VPS13A: variants seen among roughly 807,000 people sequenced by gnomAD.
VPS13A encodes vacuolar protein sorting 13 homolog A.
Under a neutral mutation model 390.9 loss-of-function variants are expected in VPS13A, and 264 were observed. That is an observed-to-expected ratio of 0.68 (90% CI 0.61 to 0.75). The LOEUF is 0.75. Among genes scored for constraint, VPS13A ranks in the 30% least tolerant of loss-of-function variants. The pLI is 0.00. For missense variants in VPS13A, 3,409 were observed against 3,733.9 expected (o/e 0.91, Z 2.27); for synonymous variants, 1,231 against 1,227.1 (o/e 1.00, Z -0.07).
chr9:77,364,385 A>C (rs1247549975), intron 59 of VPS13A, among the ~76,000 whole-genome samples: 1 of 152,110 alleles, frequency 6.6e-6, no homozygotes, highest in Non-Finnish European at 1.5e-5. Context: ...AGATCGCGCC[A>C]CTGCACTCCA....
intron 27 of VPS13A, among the ~76,000 whole-genome samples, chr9:77,280,779 A>T (rs1454227381): frequency 2.0e-5 from 3 of 152,202 alleles, no homozygotes; most frequent in African/African-American, 7.2e-5. Flanking sequence ...AATAATGCAG[A>T]AAGCATTTAA....
intron 19 of VPS13A, among the ~76,000 whole-genome samples, chr9:77,244,496 T>G (rs1824694454): frequency 6.6e-6 from 1 of 152,186 alleles, no homozygotes; most frequent in South Asian, 2.1e-4. Context: ...GCCCTCGTTC[T>G]GCTGTGAAAC....
At chr9:77,382,119 T>C in intron 68 of VPS13A, 32 bp downstream of exon 68, 1 of 1,549,888 alleles carries the variant, frequency 6.5e-7, no homozygotes, top group Non-Finnish European at 8.8e-7. Flanking sequence ...AAATTAAGAT[T>C]AATTTAGTCA....
intron 54 of VPS13A, among the ~76,000 whole-genome samples, chr9:77,354,145 A>C (rs1831629794): frequency 6.6e-6 from 1 of 152,060 alleles, no homozygotes; most frequent in African/African-American, 2.4e-5. Context: ...CCTATTCATA[A>C]ACAGTTGTTT....
intron 39 of VPS13A, 71 bp from the exon 40 acceptor site, chr9:77,317,535 A>G (rs1829470433): frequency 8.4e-7 from 1 of 1,188,884 alleles, no homozygotes; most frequent in Admixed American, 2.1e-5. Flanking sequence ...ACCTATTACT[A>G]GGAAAGTCTT....
intron 19 of VPS13A, among the ~76,000 whole-genome samples, chr9:77,244,478 G>T (rs1366831973): frequency 2.6e-5 from 4 of 152,124 alleles, no homozygotes; most frequent in Non-Finnish European, 5.9e-5. Context: ...ATGGGGCAAT[G>T]TCTCACTGCC....
chr9:77,280,488 C>T (rs1186092705), intron 27 of VPS13A, among the ~76,000 whole-genome samples: 2 of 150,870 alleles, frequency 1.3e-5, no homozygotes, highest in Non-Finnish European at 3.0e-5. Flanking sequence ...TTTTTTTTCT[C>T]CCAACAGGGG....
intron 68 of VPS13A, among the ~76,000 whole-genome samples, chr9:77,399,015 G>A (rs1325668049): frequency 9.3e-6 from 1 of 107,342 alleles, no homozygotes; most frequent in Non-Finnish European, 1.9e-5. Context: ...TGGGGACTGT[G>A]GTGGGGTCGG....
At position 77,273,139 on chromosome 9, in the gene VPS13A, T is replaced by G. The variant is rs1826444064; in HGVS notation, c.2428-141T>G. ...GCGTTTTATAATGTATTTTTCTAATTTAAACCTGATTATCTTCTCAGTTAA... is the reference window on the plus strand; with the variant it reads ...GCGTTTTATAATGTATTTTTCTAATGTAAACCTGATTATCTTCTCAGTTAA... On this transcript the variant is annotated intron_variant, in intron 23 of 71. Coordinates refer to ENST00000360280, the MANE Select transcript of VPS13A (RefSeq NM_033305.3). 1.5e-5 allele frequency: 10 copies of G among 657,348 alleles called. No individual in the cohort carries two copies. In the South Asian group the frequency reaches 2.0e-4, roughly 13 times the overall value. The allele number at this position is 657,348 out of a possible 1,614,324, so 40.7% of individuals were successfully genotyped here.
intron 10 of VPS13A, among the ~76,000 whole-genome samples, chr9:77,216,571 GAGT>G (rs1362283451): frequency 6.6e-6 from 1 of 152,134 alleles, no homozygotes; most frequent in Non-Finnish European, 1.5e-5. Context: ...TCCTTATACT[GAGT>G]AGATGAGTAG....
At chr9:77,259,435 G>C (rs1383668415) in intron 22 of VPS13A, among the ~76,000 whole-genome samples, 2 of 152,276 alleles carry the variant, frequency 1.3e-5, no homozygotes, top group East Asian at 3.9e-4. Flanking sequence ...TAGGACTCCA[G>C]TACATTTTTA....
chr9:77,196,707 C>T, intron 1 of VPS13A, among the ~76,000 whole-genome samples: 1 of 151,596 alleles, frequency 6.6e-6, no homozygotes, highest in East Asian at 1.9e-4. Flanking sequence ...TAGTATTTCA[C>T]TGTGTATATA....
rs1327319345 is a variant in VPS13A at position 77,295,789 on chromosome 9, C to T, written c.3755C>T (p.Ser1252Phe). The change falls in exon 33 of 72, where the codon TCT (serine) becomes TTT (phenylalanine). Residue 1252 changes from serine to phenylalanine, a missense_variant. Ser to Phe is a radical substitution (Grantham distance 155). Coordinates refer to ENST00000360280, the MANE Select transcript of VPS13A (RefSeq NM_033305.3). ...CATATGATAACAGAGAGCCAGAGCT[C>T]TCCCCCACCTGTTATTGATTTGATA... is the stretch of plus-strand genomic sequence containing the variant. ...TFHMITESQSSPPPVIDLITI... is the reference protein window; with the variant it reads ...TFHMITESQSFPPPVIDLITI... The T allele has an allele frequency of 6.2e-7, 1 of 1,614,016 alleles. No individual in the cohort carries two copies. The highest frequency in any genetic ancestry group is 2.2e-5 in the East Asian group (1 of 44,856).
chr9:77,194,513 T>A lies in VPS13A; in HGVS notation c.101-5432T>A, dbSNP rs554510993. ...ACCTGGCCATGCTCCACTGCAGCCATTCCCACACCAGGCCTTCTGGGCTCC... is the reference window on the plus strand; with the variant it reads ...ACCTGGCCATGCTCCACTGCAGCCAATCCCACACCAGGCCTTCTGGGCTCC... On this transcript the variant is annotated intron_variant, in intron 1 of 71. Coordinates refer to ENST00000360280, the MANE Select transcript of VPS13A (RefSeq NM_033305.3). 3.9e-5 allele frequency among the ~76,000 whole-genome samples: 6 copies of A among 152,206 alleles called. No individual in the cohort carries two copies. In the South Asian group the frequency reaches 1.2e-3, roughly 32 times the overall value.
At position 77,344,180 on chromosome 9, in the gene VPS13A, T is replaced by C. The variant is rs376084063; in HGVS notation, c.7054T>C (p.Ser2352Pro). 1.2e-6 allele frequency: 2 copies of C among 1,609,586 alleles called. No individual in the cohort carries two copies. The highest frequency in any genetic ancestry group is 2.7e-5 in the African/African-American group (2 of 74,824). Reference protein sequence around the residue: ...QCIPFWPEYASSKLLIQVERS... With the variant: ...QCIPFWPEYAPSKLLIQVERS... ...TATCCCCTTTTGGCCTGAGTATGCTTCTAGTAAACTTCTTATTCAAGTCGA... is the reference window on the plus strand; with the variant it reads ...TATCCCCTTTTGGCCTGAGTATGCTCCTAGTAAACTTCTTATTCAAGTCGA... The change falls in exon 51 of 72, where the codon TCT becomes CCT. Residue 2352 changes from serine (S) to proline (P), a missense_variant. Ser to Pro is a moderately conservative substitution (Grantham distance 74, BLOSUM62 -1). Transcript: ENST00000360280.
At chr9:77,221,405 T>G in intron 13 of VPS13A, 49 bp downstream of exon 13, 1 of 1,596,388 alleles carries the variant, frequency 6.3e-7, no homozygotes, top group Non-Finnish European at 8.6e-7. Context: ...ACATAGCTCC[T>G]TATTGGTCTT....
At position 77,314,568 on chromosome 9, in the gene VPS13A, T is replaced by C. The variant is rs1829277568; in HGVS notation, c.4316T>C (p.Leu1439Ser). ...AAATTGGAGAATATTATAAGTACTT[T>C]AAAAATGTATACAGATGGCTCAACA... ...EFKLENIIST[L>S]KMYTDGSTFS... The change falls in exon 37 of 72, where the codon TTA becomes TCA. Residue 1439 changes from leucine to serine, a missense_variant. This residue lies in a region of VPS13A where 2,717 missense variants were observed against 2,917.4 expected (regional missense o/e 0.93). Transcript: ENST00000360280. 5.6e-6 allele frequency: 9 copies of C among 1,610,550 alleles called. No homozygotes were observed. The highest frequency in any genetic ancestry group is 7.6e-6 in the Non-Finnish European group (9 of 1,177,548).
chr9:77,338,323 T>A (rs1273334873), intron 47 of VPS13A: 1 of 152,186 alleles, frequency 6.6e-6, no homozygotes, highest in Admixed American at 6.5e-5. Context: ...TTAACATATT[T>A]ATGGTTTTAA....
At chr9:77,342,690 C>T (rs1830900749) in intron 50 of VPS13A, among the ~76,000 whole-genome samples, 1 of 152,124 alleles carries the variant, frequency 6.6e-6, no homozygotes, top group Non-Finnish European at 1.5e-5. Flanking sequence ...ATACCATCCC[C>T]AAGATATCTC....
Sources: gnomAD v4.1 joint callset for allele counts (sites outside exome capture counted in the v4.1 genomes callset) on GRCh38, gnomAD v4.1.1 for gene constraint, gnomAD v4.1.1 regional missense constraint, MANE v1.5 for transcripts, NCBI Gene and HGNC (gene_info 2026-07-23, HGNC 2026-07-21) for gene names.